BTD: variants seen among roughly 807,000 people sequenced by gnomAD.
BTD encodes the protein biotinidase, also known as biocytinase.
BTD carries 13 observed loss-of-function variants against 17.7 expected under a neutral mutation model. That is an observed-to-expected ratio of 0.74 (90% CI 0.48 to 1.17). The LOEUF is 1.17. Ranked by LOEUF, BTD falls within the 50% of genes most tolerant of loss-of-function variation. The pLI, the probability that BTD is intolerant of heterozygous loss-of-function variation, is 0.00. For synonymous variants in BTD, 240 were observed against 245.2 expected (o/e 0.98, Z 0.20); for missense variants, 674 against 650.4 (o/e 1.04, Z -0.39).
At position 15,601,763 on chromosome 3, in the gene BTD, C is replaced by T. The variant is rs774964227; in HGVS notation, c.-148C>T. 3.3e-4 allele frequency: 537 copies of T among 1,605,870 alleles called. 1 individual carries two copies. Among genetic ancestry groups the T allele is most frequent in the Non-Finnish European group, 4.4e-4 (512 of 1,175,956 alleles). On this transcript the variant is annotated 5_prime_UTR_variant, in exon 1 of 4. It introduces an in-frame stop codon into an upstream open reading frame of the 5' UTR. Transcript: ENST00000643237. ...GACTAGCAGGAGATTGCTGCCTATG[C>T]AAAGCAGGTAAGAAGCCGAACTCTG...
chr3:15,702,824 C>A (rs1169339804), intron 3 of BTD, among the ~76,000 whole-genome samples: 1 of 151,548 alleles, frequency 6.6e-6, no homozygotes, highest in East Asian at 1.9e-4. Context: ...CCACCCCCCA[C>A]CACCCCACCC....
At chr3:15,674,332 A>T (rs1203376426) in intron 3 of BTD, among the ~76,000 whole-genome samples, 1 of 152,172 alleles carries the variant, frequency 6.6e-6, no homozygotes, top group African/African-American at 2.4e-5. Context: ...GTATATGCTG[A>T]TGGACTATAC....
chr3:15,674,425 G>T (rs559013861), intron 3 of BTD, among the ~76,000 whole-genome samples: 27 of 152,230 alleles, frequency 1.8e-4, no homozygotes, highest in Middle Eastern at 3.4e-3. Context: ...TGTCTTCAAT[G>T]GAGAGAGCAT....
chr3:15,629,556 C>G (rs1386771536), intron 1 of BTD, among the ~76,000 whole-genome samples: 1 of 152,180 alleles, frequency 6.6e-6, no homozygotes, highest in East Asian at 1.9e-4. Flanking sequence ...TGGAATCTCA[C>G]TCTGTCACCC....
intron 3 of BTD, among the ~76,000 whole-genome samples, chr3:15,696,549 T>G (rs188643184): frequency 1.2e-3 from 182 of 152,230 alleles, no homozygotes; most frequent in Non-Finnish European, 2.2e-3. Flanking sequence ...CACCACCTAT[T>G]CTACTAAACA....
chr3:15,693,723 T>C (rs2069133705), intron 3 of BTD, among the ~76,000 whole-genome samples: 1 of 152,156 alleles, frequency 6.6e-6, no homozygotes, highest in East Asian at 1.9e-4. Flanking sequence ...TATGCATGTC[T>C]GGGAGAGGTG....
chr3:15,608,131 C>T (rs550284981), intron 1 of BTD, among the ~76,000 whole-genome samples: 59 of 152,338 alleles, frequency 3.9e-4, no homozygotes, highest in Non-Finnish European at 7.6e-4. Flanking sequence ...CCCAGGTACC[C>T]TGTGACCTAG....
At chr3:15,714,659 G>A (rs2072782552), downstream of BTD, 3 of 1,555,564 alleles carry the variant, frequency 1.9e-6, no homozygotes, top group African/African-American at 2.8e-5. Flanking sequence ...TCTTTACTCT[G>A]GGGGGGGAAG....
At chr3:15,659,255 T>C (rs890044647) in intron 3 of BTD, among the ~76,000 whole-genome samples, 1 of 152,032 alleles carries the variant, frequency 6.6e-6, no homozygotes, top group African/African-American at 2.4e-5. Context: ...GCTGTGCTTA[T>C]AATGAAGGTC....
At chr3:15,677,157 C>A in intron 3 of BTD, 2 of 896,878 alleles carry the variant, frequency 2.2e-6, no homozygotes, top group Non-Finnish European at 1.8e-6. Context: ...ATGTACAACA[C>A]CATACATATA....
In BTD at chr3:15,648,743, C is replaced by G. The variant is rs2065749267; in HGVS notation, c.*3255C>G. 6.6e-6 allele frequency among the ~76,000 whole-genome samples: 1 copy of G among 152,192 alleles called. No homozygotes were observed. The highest frequency in any genetic ancestry group is 1.5e-5 in the Non-Finnish European group (1 of 68,032). ...GCCTTATTTGGAAATAGGGTCTTTG[C>G]AGATGCAATGAAGATATAAGTTAAA... is the stretch of plus-strand genomic sequence containing the variant. On this transcript the variant is annotated 3_prime_UTR_variant, in exon 4 of 4. Coordinates refer to ENST00000643237, the MANE Select transcript of BTD (RefSeq NM_001370658.1).
chr3:15,645,337 A>T lies in BTD; in HGVS notation c.1421A>T (p.Tyr474Phe). 6.2e-7 allele frequency: 1 copy of T among 1,614,170 alleles called. No homozygotes were observed. Among genetic ancestry groups the T allele is most frequent in the Non-Finnish European group, 8.5e-7 (1 of 1,180,036 alleles). ...FHLWGNFSTS[Y>F]IFPLFLTSGM... ...CTGTGGGGCAACTTCAGTACTTCCT[A>T]TATCTTTCCTTTGTTTCTGACCTCA... is the stretch of plus-strand genomic sequence containing the variant. The change falls in exon 4 of 4, where the codon TAT (tyrosine) becomes TTT (phenylalanine). Residue 474 changes from tyrosine to phenylalanine, a missense_variant. Transcript: ENST00000643237.
At chr3:15,602,603 G>T (rs771962621) in intron 1 of BTD, among the ~76,000 whole-genome samples, 3 of 152,126 alleles carry the variant, frequency 2.0e-5, no homozygotes, top group Non-Finnish European at 4.4e-5. Context: ...AGGATTTGGA[G>T]TCATTTTAAG....
At chr3:15,711,669 CA>C (rs1277579396) in exon 4 of BTD, among the ~76,000 whole-genome samples, 1 of 151,224 alleles carries the variant, frequency 6.6e-6, no homozygotes, top group Non-Finnish European at 1.5e-5. Flanking sequence ...CTTTCTTTAA[CA>C]GGGGATGAAG....
chr3:15,619,163 G>A (rs1270074351), intron 1 of BTD, among the ~76,000 whole-genome samples: 1 of 152,224 alleles, frequency 6.6e-6, no homozygotes, highest in African/African-American at 2.4e-5. Context: ...ACCACTAACT[G>A]TGATGTTAGC....
At chr3:15,615,117 G>T (rs1282558711) in intron 1 of BTD, among the ~76,000 whole-genome samples, 1 of 152,076 alleles carries the variant, frequency 6.6e-6, no homozygotes, top group Non-Finnish European at 1.5e-5. Context: ...TTCAACCCAG[G>T]ACACTCAGTC....
At chr3:15,717,700 T>C (rs1012756288), downstream of BTD, among the ~76,000 whole-genome samples, 12 of 152,150 alleles carry the variant, frequency 7.9e-5, no homozygotes, top group African/African-American at 2.9e-4. Context: ...CAAAATCTAT[T>C]CTTAAAGAAC....
intron 1 of BTD, chr3:15,602,105 G>A: frequency 7.0e-7 from 1 of 1,434,192 alleles, no homozygotes; most frequent in Non-Finnish European, 9.1e-7. Context: ...ACGCTTTGTG[G>A]TTTACGCTCT....
At chr3:15,713,514 GGTAA>G, downstream of BTD, 2 of 1,600,772 alleles carry the variant, frequency 1.2e-6, no homozygotes, top group Non-Finnish European at 1.7e-6. Context: ...TCAACACCTC[GGTAA>G]GTACTTACTT....
Sources: gnomAD v4.1 joint callset for allele counts (sites outside exome capture counted in the v4.1 genomes callset) on GRCh38, gnomAD v4.1.1 for gene constraint, MANE v1.5 for transcripts, NCBI Gene and HGNC (gene_info 2026-07-23, HGNC 2026-07-21) for gene names.